Variants in ATP1A3 observed in about 807,000 individuals in gnomAD.
The protein encoded by ATP1A3 is sodium/potassium-transporting ATPase subunit alpha-3.
Under a neutral mutation model 108.8 loss-of-function variants are expected in ATP1A3, and 12 were observed. The observed-to-expected ratio is 0.11, with a 90% CI of 0.07 to 0.18. The LOEUF is 0.18. ATP1A3 is among the 10% of genes least tolerant of loss of function. The pLI, the probability that ATP1A3 is intolerant of heterozygous loss-of-function variation, is 1.00. For missense variants in ATP1A3, 498 were observed against 1,387.7 expected, an observed-to-expected ratio of 0.36 and a Z score of 10.19; for synonymous variants, 539 against 564.5, an observed-to-expected ratio of 0.95 and a Z score of 0.64.
At chr19:41,984,777 C>A in intron 8 of ATP1A3, 141 bp downstream of exon 8, 3 of 1,003,952 alleles carry the variant, frequency 3.0e-6, no homozygotes, top group Non-Finnish European at 1.4e-6. Context: ...CCCAGCCCCT[C>A]CTCCCCCAGA....
chr19:41,993,645 A>C (rs1391106547), intron 1 of ATP1A3: 4 of 673,912 alleles, frequency 5.9e-6, no homozygotes, highest in Non-Finnish European at 7.4e-6. Context: ...CCAGGGAAGC[A>C]GGGGGGCCTC....
At chr19:41,992,151 AG>A (rs1474296188) in intron 1 of ATP1A3, among the ~76,000 whole-genome samples, 1 of 139,950 alleles carries the variant, frequency 7.1e-6, no homozygotes, top group Non-Finnish European at 1.5e-5. Context: ...CTGAGGGAGG[AG>A]GGGCTGGGGC....
chr19:41,968,961 G>T lies in ATP1A3; in HGVS notation c.2689-46C>A, dbSNP rs1056359563. 1.9e-6 allele frequency: 3 copies of T among 1,612,052 alleles called. No homozygotes were observed. The highest frequency in any genetic ancestry group is 2.5e-6 in the Non-Finnish European group (3 of 1,179,090). ...GCACGGGACGTCAGTTAGTGGCACT[G>T]CAGCCCTAGCCGCCACCCCGACGTT... On this transcript the variant is annotated intron_variant, in intron 19 of 22. Coordinates refer to ENST00000648268, the MANE Select transcript of ATP1A3 (RefSeq NM_152296.5). The surrounding 1 kb of genome is among the most constrained non-coding windows in gnomAD (Gnocchi z 5.0).
chr19:41,981,354 T>C lies in ATP1A3; in HGVS notation c.1437+148A>G. The C allele has an allele frequency of 7.6e-7, 1 of 1,322,670 alleles. No individual in the cohort carries two copies. The highest frequency in any genetic ancestry group is 1.1e-6 in the Non-Finnish European group (1 of 935,586). The allele number at this position is 1,322,670 out of a possible 1,614,324, so 81.9% of individuals were successfully genotyped here. The stretch of plus-strand genomic sequence containing the variant: ...ACTCCAACAGAGATCCGGCTCCCAC[T>C]CTCAAGCTCTCCCTGTTCCTCTCCC... On this transcript the variant is annotated intron_variant, in intron 11 of 22. Transcript: ENST00000648268. This position sits in a 1 kb window ranked among gnomAD's most constrained non-coding sequence, Gnocchi z 5.0.
intron 8 of ATP1A3, among the ~76,000 whole-genome samples, chr19:41,982,897 G>T (rs1288604304): frequency 2.0e-5 from 3 of 152,140 alleles, no homozygotes; most frequent in Admixed American, 1.3e-4. Context: ...TGGGTTGGGG[G>T]GCAGGGGCTA....
chr19:41,974,312 G>A (rs376095126), intron 16 of ATP1A3, among the ~76,000 whole-genome samples: 2 of 152,254 alleles, frequency 1.3e-5, no homozygotes, highest in African/African-American at 4.8e-5. Flanking sequence ...GTGTGATGGT[G>A]CATACCTGTA....
At position 41,988,189 on chromosome 19, in the gene ATP1A3, C is replaced by T. The variant is rs1555866127; in HGVS notation, c.154-50G>A. 2 of 1,613,308 alleles carry T rather than the reference C, an allele frequency of 1.2e-6. No individual in the cohort carries two copies. The highest frequency in any genetic ancestry group is 3.3e-5 in the Admixed American group (2 of 60,018). On this transcript the variant is annotated intron_variant, in intron 3 of 22. Transcript: ENST00000648268. This position sits in a 1 kb window ranked among gnomAD's most constrained non-coding sequence, Gnocchi z 5.3. ...AACCCTCCCTGGGCAACCCTGGCAC[C>T]CCAGGCCTTCACCAGACCCCCAGAA...
intron 18 of ATP1A3, 93 bp downstream of exon 18, chr19:41,970,092 G>A: frequency 6.2e-7 from 1 of 1,605,852 alleles, no homozygotes; most frequent in Non-Finnish European, 8.5e-7. Flanking sequence ...GCTCCCCTGA[G>A]TCAATGCCAG....
chr19:41,981,176 T>A lies in ATP1A3; in HGVS notation c.1437+326A>T, dbSNP rs532917316. On this transcript the variant is annotated intron_variant, in intron 11 of 22. Transcript: ENST00000648268. This position sits in a 1 kb window ranked among gnomAD's most constrained non-coding sequence, Gnocchi z 5.0. ...CACACCTGGCTAATTAAAAAAAAAA[T>A]TTCGTACAGATGGGGTTTTGCCATC... Among the ~76,000 whole-genome samples, 23 of 151,322 alleles carry A rather than the reference T, an allele frequency of 1.5e-4. No homozygotes were observed. Among genetic ancestry groups the A allele is most frequent in the Non-Finnish European group, 2.5e-4 (17 of 67,828 alleles).
At chr19:41,993,970 C>T (rs1242196193) in intron 1 of ATP1A3, 101 bp downstream of exon 1, 4 of 1,566,214 alleles carry the variant, frequency 2.6e-6, no homozygotes, top group African/African-American at 2.7e-5. Context: ...GGCCTGGCCC[C>T]GGAGCGCAGG....
At chr19:41,994,008 C>T in intron 1 of ATP1A3, 63 bp downstream of exon 1, 2 of 1,604,502 alleles carry the variant, frequency 1.2e-6, no homozygotes, top group Non-Finnish European at 1.7e-6. Flanking sequence ...CCCCCGCGCA[C>T]ACCCAATGTC....
intron 4 of ATP1A3, 95 bp from the exon 5 acceptor site, chr19:41,986,324 A>C (rs1410752146): frequency 7.5e-6 from 9 of 1,207,876 alleles, no homozygotes; most frequent in South Asian, 1.3e-5. Flanking sequence ...GCTTTGTGTC[A>C]GTGGGGGTCT....
In ATP1A3 at chr19:41,985,853, C is replaced by T; in HGVS notation, c.606+11G>A. 6.2e-7 allele frequency: 1 copy of T among 1,613,762 alleles called. No individual in the cohort carries two copies. The highest frequency in any genetic ancestry group is 8.5e-7 in the Non-Finnish European group (1 of 1,179,962). On this transcript the variant is annotated intron_variant, in intron 6 of 22. Transcript: ENST00000648268. This position sits in a 1 kb window ranked among gnomAD's most constrained non-coding sequence, Gnocchi z 8.2. Reference sequence around the variant, plus strand: ...AGGGAGGGTAAAGCCGGGCCCTAGGCCCAGGCCCACCTTGCAGCCGTGGGC... The same window carrying T: ...AGGGAGGGTAAAGCCGGGCCCTAGGTCCAGGCCCACCTTGCAGCCGTGGGC...
intron 18 of ATP1A3, 126 bp from the exon 19 acceptor site, chr19:41,969,706 G>A (rs1467495452): frequency 1.2e-5 from 17 of 1,361,132 alleles, no homozygotes; most frequent in Non-Finnish European, 1.7e-5. Context: ...CTGTTATCTG[G>A]ACATTGGTTC....
rs146476476 is a variant in ATP1A3, at chr19:41,985,394, G to A, written c.636C>T (p.Ser212=). The A allele has an allele frequency of 1.2e-5, 19 of 1,613,922 alleles. No individual in the cohort carries two copies. Among genetic ancestry groups the A allele is most frequent in the Middle Eastern group, 1.6e-4 (1 of 6,084 alleles). ...AGTCGGGAGAGCGAGTCTGGGGCTCGGATTCGCCAGTCAGGGAGGAGTTGT... is the reference window on the plus strand; with the variant it reads ...AGTCGGGAGAGCGAGTCTGGGGCTCAGATTCGCCAGTCAGGGAGGAGTTGT... ...KVDNSSLTGE[S]EPQTRSPDCT... Residue 212 remains serine (S), a synonymous_variant, in exon 7 of 23, where the codon TCC becomes TCT. Coordinates refer to ENST00000648268, the MANE Select transcript of ATP1A3 (RefSeq NM_152296.5). The surrounding 1 kb of genome is among the most constrained non-coding windows in gnomAD (Gnocchi z 8.2).
intron 1 of ATP1A3, 103 bp downstream of exon 1, chr19:41,993,968 C>T (rs1356581078): frequency 5.1e-6 from 8 of 1,562,784 alleles, no homozygotes. Context: ...CAGGCCTGGC[C>T]CCGGAGCGCA....
chr19:41,969,119 C>G (rs2075075231), intron 19 of ATP1A3, among the ~76,000 whole-genome samples: 1 of 152,144 alleles, frequency 6.6e-6, no homozygotes, highest in Non-Finnish European at 1.5e-5. Context: ...ATGGTGATCT[C>G]ACCATCCACC....
At chr19:41,991,427 A>G (rs1467962910) in intron 1 of ATP1A3, among the ~76,000 whole-genome samples, 1 of 152,122 alleles carries the variant, frequency 6.6e-6, no homozygotes. Flanking sequence ...GGAGGCACAG[A>G]GGCTTGGGGG....
Position 41,993,523 on chromosome 19 carries a change from AC to A in ATP1A3, c.6+547del, listed in dbSNP as rs1555868072. 26 of 1,223,738 alleles carry A rather than the reference AC, an allele frequency of 2.1e-5. No individual in the cohort carries two copies. In the African/African-American group the frequency reaches 3.8e-4, roughly 18 times the overall value. The allele number at this position is 1,223,738 out of a possible 1,614,324, so 75.8% of individuals were successfully genotyped here. ...CCTGCACACACACACACACACACAC[AC>A]ACACACACACACACACACACACACA... On this transcript the variant is annotated intron_variant, in intron 1 of 22. Transcript: ENST00000648268.
Sources: allele counts gnomAD v4.1 joint callset (sites outside exome capture counted in the v4.1 genomes callset), GRCh38; gene constraint gnomAD v4.1.1; non-coding constraint Gnocchi (gnomAD v3.1); transcripts MANE v1.5; gene names NCBI Gene and HGNC (gene_info 2026-07-23, HGNC 2026-07-21).